SAMD12: variants seen among roughly 807,000 people sequenced by gnomAD.
The protein encoded by SAMD12 is sterile alpha motif domain-containing protein 12.
SAMD12 carries 9 observed loss-of-function variants against 15.0 expected under a neutral mutation model. The ratio of observed to expected loss-of-function variants is 0.60; its 90% CI spans 0.36 to 1.05. SAMD12 has a LOEUF of 1.05. Ranked by LOEUF, SAMD12 falls within the 50% of genes least tolerant of loss-of-function variation. The pLI, the probability that SAMD12 is intolerant of heterozygous loss-of-function variation, is 0.01. For missense variants in SAMD12, 230 were observed against 234.2 expected, an observed-to-expected ratio of 0.98 and a Z score of 0.12; for synonymous variants, 86 against 90.1, an observed-to-expected ratio of 0.96 and a Z score of 0.25.
chr8:118,303,953 C>T (rs1048460371), intron 4 of SAMD12, among the ~76,000 whole-genome samples: 2 of 152,212 alleles, frequency 1.3e-5, no homozygotes, highest in African/African-American at 2.4e-5. Flanking sequence ...TGCTTATCCT[C>T]GATGACATTT....
intron 4 of SAMD12, among the ~76,000 whole-genome samples, chr8:118,201,685 C>T (rs1277977045): frequency 1.3e-5 from 2 of 152,182 alleles, no homozygotes; most frequent in Non-Finnish European, 2.9e-5. Flanking sequence ...GCATGAGATT[C>T]AATCCTGGTC....
intron 4 of SAMD12, among the ~76,000 whole-genome samples, chr8:118,352,818 G>A (rs1353172157): frequency 6.6e-6 from 1 of 152,000 alleles, no homozygotes; most frequent in Non-Finnish European, 1.5e-5. Flanking sequence ...TGTAGAAAGG[G>A]GTACATGCAA....
intron 4 of SAMD12, among the ~76,000 whole-genome samples, chr8:118,372,584 T>C (rs925812146): frequency 6.6e-6 from 1 of 152,130 alleles, no homozygotes; most frequent in Non-Finnish European, 1.5e-5. Context: ...ATTCCACTTC[T>C]AGATATTTAC....
At chr8:118,388,043 G>GC (rs766528282) in intron 3 of SAMD12, among the ~76,000 whole-genome samples, 31 of 152,244 alleles carry the variant, frequency 2.0e-4, no homozygotes, top group Non-Finnish European at 3.5e-4. Flanking sequence ...TAGGTTCTTT[G>GC]CAAGCCCATA....
intron 3 of SAMD12, among the ~76,000 whole-genome samples, chr8:118,424,305 A>G (rs750859477): frequency 1.3e-5 from 2 of 152,198 alleles, no homozygotes; most frequent in African/African-American, 2.4e-5. Flanking sequence ...CTTTCTCACA[A>G]ACTTTGATGT....
chr8:118,179,248 AC>A, the SAMD12 span, among the ~76,000 whole-genome samples: 1 of 151,934 alleles, frequency 6.6e-6, no homozygotes, highest in African/African-American at 2.4e-5. Context: ...GACTAGCCTG[AC>A]CAACATGGAG....
chr8:118,222,361 T>C (rs1434583708), intron 4 of SAMD12, among the ~76,000 whole-genome samples: 1 of 152,158 alleles, frequency 6.6e-6, no homozygotes, highest in African/African-American at 2.4e-5. Flanking sequence ...GGCTTTGTCA[T>C]TTACCAGCTA....
chr8:118,458,406 G>C (rs1458055654), intron 2 of SAMD12, among the ~76,000 whole-genome samples: 2 of 152,176 alleles, frequency 1.3e-5, no homozygotes, highest in African/African-American at 4.8e-5. Context: ...AGGTGCAAAA[G>C]AAGGCTGCAG....
chr8:118,566,548 G>T (rs546784391), intron 2 of SAMD12, among the ~76,000 whole-genome samples: 1 of 152,136 alleles, frequency 6.6e-6, no homozygotes, highest in East Asian at 1.9e-4. Flanking sequence ...AACAGTTTGT[G>T]TATTTTTAAG....
chr8:118,184,729 T>C (rs1819214065), downstream of SAMD12, among the ~76,000 whole-genome samples: 1 of 152,124 alleles, frequency 6.6e-6, no homozygotes, highest in Non-Finnish European at 1.5e-5. Context: ...ACTCCTGACC[T>C]CAGGTGATCC....
chr8:118,203,856 T>A (rs1442925024), intron 4 of SAMD12, among the ~76,000 whole-genome samples: 2 of 151,806 alleles, frequency 1.3e-5, no homozygotes, highest in Non-Finnish European at 2.9e-5. Flanking sequence ...CTTGCGATAG[T>A]TTGCTGAGAA....
At chr8:118,438,768 G>A (rs1281907504) in intron 3 of SAMD12, among the ~76,000 whole-genome samples, 1 of 152,180 alleles carries the variant, frequency 6.6e-6, no homozygotes, top group Non-Finnish European at 1.5e-5. Context: ...GGTTTGGAAA[G>A]AGGTTTGTCA....
intron 2 of SAMD12, among the ~76,000 whole-genome samples, chr8:118,457,271 C>A (rs1210409853): frequency 6.7e-6 from 1 of 150,252 alleles, no homozygotes; most frequent in Non-Finnish European, 1.5e-5. Flanking sequence ...TACTCTCTTG[C>A]CCATGCTGGA....
intron 2 of SAMD12, among the ~76,000 whole-genome samples, chr8:118,520,441 A>G (rs918629570): frequency 1.3e-5 from 2 of 152,284 alleles, no homozygotes; most frequent in Admixed American, 1.3e-4. Flanking sequence ...TCAGAAGTCT[A>G]TTTTTCTCCG....
chr8:118,284,653 A>G (rs11562782), intron 4 of SAMD12: 10,974 of 225,418 alleles, frequency 0.049, 1,223 homozygotes, highest in African/African-American at 0.24. Flanking sequence ...TTAAAGAAGC[A>G]GTGAATTGGC....
downstream of SAMD12, among the ~76,000 whole-genome samples, chr8:118,376,401 C>A (rs963412128): frequency 1.3e-5 from 2 of 152,006 alleles, no homozygotes; most frequent in African/African-American, 4.8e-5. Flanking sequence ...GATTGGTGCT[C>A]TTGTAAAAGC....
At position 118,439,827 on chromosome 8, in the gene SAMD12, T is replaced by G. The variant is rs771389558; in HGVS notation, c.322+5A>C. ...GTGAAATATCTGGGATACTGCATAC[T>G]TTACCAGTTATGTCATGCTGTTTGA... On this transcript the variant is annotated splice_donor_5th_base_variant and intron_variant, in intron 3 of 3. Transcript: ENST00000314727. The G allele has an allele frequency of 1.4e-5, 22 of 1,612,692 alleles. No homozygotes were observed. The African/African-American group carries it at 2.3e-4, about 17-fold the overall frequency.
At chr8:118,449,822 A>T (rs1358226357) in intron 2 of SAMD12, among the ~76,000 whole-genome samples, 2 of 147,592 alleles carry the variant, frequency 1.4e-5, no homozygotes, top group Non-Finnish European at 3.0e-5. Context: ...AAAAAACAAC[A>T]AAAAAAAAGG....
At chr8:118,398,700 T>G (rs1006851811) in intron 3 of SAMD12, among the ~76,000 whole-genome samples, 6 of 152,072 alleles carry the variant, frequency 3.9e-5, no homozygotes, top group African/African-American at 1.4e-4. Context: ...GGGAGAAAGG[T>G]TGTGAAGAGA....
Sources: allele counts gnomAD v4.1 joint callset (sites outside exome capture counted in the v4.1 genomes callset), GRCh38; gene constraint gnomAD v4.1.1; transcripts MANE v1.5; gene names NCBI Gene and HGNC (gene_info 2026-07-23, HGNC 2026-07-21).